ITPR1: variants seen among roughly 807,000 people sequenced by gnomAD.
ITPR1 encodes inositol 1,4,5-trisphosphate receptor type 1, also known as inositol 1,4,5-trisphosphate-gated calcium channel ITPR1.
Under a neutral mutation model 318.4 loss-of-function variants are expected in ITPR1, and 96 were observed. The observed-to-expected ratio is 0.30, with a 90% CI of 0.26 to 0.36. The LOEUF (loss-of-function observed/expected upper bound fraction) is 0.36, where lower values mean the gene tolerates loss of function less well. Among genes scored for constraint, ITPR1 ranks in the 10% least tolerant of loss-of-function variants. The pLI is 1.00. For missense variants in ITPR1, 2,440 were observed against 3,460.2 expected, an observed-to-expected ratio of 0.71 and a Z score of 7.40; for synonymous variants, 1,312 against 1,289.9, an observed-to-expected ratio of 1.02 and a Z score of -0.37.
intron 21 of ITPR1, 101 bp from the exon 22 acceptor site, chr3:4,674,101 C>CAAGGGTTA: frequency 1.1e-6 from 1 of 873,520 alleles, no homozygotes; most frequent in East Asian, 2.8e-5. Context: ...CAAGGGATGC[C>CAAGGGTTA]AAGGGTTAGG....
intron 46 of ITPR1, among the ~76,000 whole-genome samples, chr3:4,772,471 G>T (rs1295422739): frequency 6.6e-6 from 1 of 152,266 alleles, no homozygotes; most frequent in Non-Finnish European, 1.5e-5. Flanking sequence ...CTTGTTTACA[G>T]TGGTCAGAAA....
chr3:4,713,985 G>A (rs2041577733), intron 39 of ITPR1, among the ~76,000 whole-genome samples: 1 of 152,194 alleles, frequency 6.6e-6, no homozygotes, highest in African/African-American at 2.4e-5. Context: ...TTGACTGCCA[G>A]GAAATGCTAC....
chr3:4,774,827 G>C (rs947225114), intron 46 of ITPR1, among the ~76,000 whole-genome samples: 1 of 152,150 alleles, frequency 6.6e-6, no homozygotes, highest in African/African-American at 2.4e-5. Flanking sequence ...GCTGGGCTCC[G>C]GGCATTCAGC....
chr3:4,713,101 G>A (rs902390562), intron 39 of ITPR1, among the ~76,000 whole-genome samples: 2 of 152,100 alleles, frequency 1.3e-5, no homozygotes, highest in Non-Finnish European at 2.9e-5. Flanking sequence ...GGGGGGTACG[G>A]GGGAAGGCTG....
intron 51 of ITPR1, among the ~76,000 whole-genome samples, chr3:4,787,368 C>CAAAA (rs2047264947): frequency 8.0e-6 from 1 of 125,152 alleles, no homozygotes; most frequent in Non-Finnish European, 1.7e-5. Context: ...AAAAAGAATT[C>CAAAA]ATGGGTTCAT....
At position 4,691,585 on chromosome 3, in the gene ITPR1, C is replaced by G. The variant is rs6786081; in HGVS notation, c.4029+241C>G. On this transcript the variant is annotated intron_variant, in intron 32 of 61. Coordinates refer to ENST00000649015, the MANE Select transcript of ITPR1 (RefSeq NM_001378452.1). ...GGAAGGATGGCTTGGATTTTTCTGA[C>G]AGGGGACAGAAAGAGGAATAAGGAA... 0.41 allele frequency among the ~76,000 whole-genome samples: 62,966 copies of G among 152,008 alleles called. 14,908 individuals are homozygous for G. The highest frequency in any genetic ancestry group is 0.56 in the Non-Finnish European group (37,913 of 67,970).
At chr3:4,502,935 A>G (rs1331071688) in intron 2 of ITPR1, among the ~76,000 whole-genome samples, 1 of 151,918 alleles carries the variant, frequency 6.6e-6, no homozygotes, top group Non-Finnish European at 1.5e-5. Context: ...TACAAAAAAA[A>G]TTAGCTGGGC....
Position 4,673,373 on chromosome 3 carries a change from G to C in ITPR1, c.2442G>C (p.Glu814Asp). Residue 814 changes from glutamate to aspartate, a missense_variant, in exon 21 of 62, where the codon GAG becomes GAC. Glu to Asp is a conservative substitution (Grantham distance 45). Transcript: ENST00000649015. ...YARLWSEIPSEIAIDDYDSSG... is the reference protein window; with the variant it reads ...YARLWSEIPSDIAIDDYDSSG... ...GCCTCTGGTCGGAGATTCCCTCGGA[G>C]ATCGCCATTGACGAGTGAGCCTGGC... 6.2e-7 allele frequency: 1 copy of C among 1,607,962 alleles called. No homozygotes were observed. Among genetic ancestry groups the C allele is most frequent in the Non-Finnish European group, 8.5e-7 (1 of 1,175,264 alleles).
At chr3:4,783,295 C>T (rs964014985) in intron 50 of ITPR1, among the ~76,000 whole-genome samples, 6 of 152,080 alleles carry the variant, frequency 3.9e-5, no homozygotes, top group Admixed American at 1.3e-4. Flanking sequence ...CTTGAGCTTT[C>T]GGTGGGTAGG....
rs186697167 is a variant in ITPR1, at chr3:4,782,460, T to C, written c.6388-159T>C. 1.5e-4 allele frequency: 88 copies of C among 583,128 alleles called. No homozygotes were observed. In the Admixed American group the frequency reaches 2.8e-3, roughly 18 times the overall value. The allele number at this position is 583,128 out of a possible 1,614,324, so 36.1% of individuals were successfully genotyped here. ...GATTGGTATTGATGGCCTGTGCCAG[T>C]GTCATGAAGGATTCTGAGGCTGTGT... On this transcript the variant is annotated intron_variant, in intron 49 of 61. Transcript: ENST00000649015.
intron 44 of ITPR1, among the ~76,000 whole-genome samples, chr3:4,752,065 T>C (rs2044573369): frequency 6.6e-6 from 1 of 152,240 alleles, no homozygotes; most frequent in South Asian, 2.1e-4. Flanking sequence ...AAGATGGCTC[T>C]GACACTGAAG....
At chr3:4,686,240 G>T (rs765993042) in intron 30 of ITPR1, among the ~76,000 whole-genome samples, 1 of 152,092 alleles carries the variant, frequency 6.6e-6, no homozygotes, top group South Asian at 2.1e-4. Context: ...TATGCCTGTC[G>T]CCTTCTACTC....
intron 4 of ITPR1, among the ~76,000 whole-genome samples, chr3:4,533,445 AT>A (rs2083585093): frequency 6.6e-6 from 1 of 152,210 alleles, no homozygotes; most frequent in African/African-American, 2.4e-5. Context: ...GCCATGGTGA[AT>A]AACACTGTGG....
rs562335383 is a variant in ITPR1, at chr3:4,584,759, T to C, written c.164-43004T>C. ...TGGCTTTGCTTCTCCCTTCCAGCCC[T>C]GCCTGTCACAGAAAGACCCCCGTTC... On this transcript the variant is annotated intron_variant, in intron 4 of 61. Transcript: ENST00000649015. Among the ~76,000 whole-genome samples the C allele has an allele frequency of 2.0e-5, 3 of 152,120 alleles. No individual in the cohort carries two copies. In the South Asian group the frequency reaches 6.2e-4, roughly 32 times the overall value.
chr3:4,665,054 C>A lies in ITPR1; in HGVS notation c.1555-84C>A. Reference sequence around the variant, plus strand: ...AATTTTCTAATGTAATCCAGCCACCCTTGAGCTTGCATTACTTCCAAACAG... The same window carrying A: ...AATTTTCTAATGTAATCCAGCCACCATTGAGCTTGCATTACTTCCAAACAG... On this transcript the variant is annotated intron_variant, in intron 16 of 61. Coordinates refer to ENST00000649015, the MANE Select transcript of ITPR1 (RefSeq NM_001378452.1). The A allele has an allele frequency of 2.1e-6, 3 of 1,442,638 alleles. 1 individual carries two copies. The African/African-American group carries it at 4.2e-5, about 20-fold the overall frequency. 89.4% of individuals were successfully genotyped at this position (1,442,638 alleles called of 1,614,324 possible).
Position 4,813,044 on chromosome 3 carries a change from T to C in ITPR1, c.7469-98T>C, listed in dbSNP as rs1440848479. 16 of 843,296 alleles carry C rather than the reference T, an allele frequency of 1.9e-5. 1 individual carries two copies. The highest frequency in any genetic ancestry group is 9.5e-5 in the South Asian group (7 of 73,938). The allele number at this position is 843,296 out of a possible 1,614,324, so 52.2% of individuals were successfully genotyped here. ...ATGCAAGATTCTAGGGTGTTATTTATGTAAAGAATTGTTTAATCAGCCGTG... is the reference window on the plus strand; with the variant it reads ...ATGCAAGATTCTAGGGTGTTATTTACGTAAAGAATTGTTTAATCAGCCGTG... On this transcript the variant is annotated intron_variant, in intron 56 of 61. Coordinates refer to ENST00000649015, the MANE Select transcript of ITPR1 (RefSeq NM_001378452.1).
chr3:4,819,575 G>T (rs148787287), intron 60 of ITPR1, among the ~76,000 whole-genome samples: 1 of 152,208 alleles, frequency 6.6e-6, no homozygotes, highest in Non-Finnish European at 1.5e-5. Context: ...TTGTGCGAAT[G>T]ATGAGGAGAA....
At chr3:4,603,331 T>C (rs574988141) in intron 4 of ITPR1, among the ~76,000 whole-genome samples, 1 of 152,298 alleles carries the variant, frequency 6.6e-6, no homozygotes, top group Admixed American at 6.5e-5. Flanking sequence ...GTATGAATGA[T>C]CACCCAGGTT....
At chr3:4,587,602 G>A (rs777293840) in intron 4 of ITPR1, among the ~76,000 whole-genome samples, 2 of 152,118 alleles carry the variant, frequency 1.3e-5, no homozygotes, top group Non-Finnish European at 2.9e-5. Flanking sequence ...CTGGGGTCTG[G>A]ACTGTGCATT....
Sources: allele counts gnomAD v4.1 joint callset (sites outside exome capture counted in the v4.1 genomes callset), GRCh38; gene constraint gnomAD v4.1.1; transcripts MANE v1.5; gene names NCBI Gene and HGNC (gene_info 2026-07-23, HGNC 2026-07-21).